The following CERS6 variants were observed in gnomAD, a reference collection of about 807,000 sequenced individuals.
CERS6 encodes the protein ceramide synthase 6, also known as LAG1 homolog, ceramide synthase 6.
Under a neutral mutation model 56.8 loss-of-function variants are expected in CERS6, and 26 were observed. The observed-to-expected ratio is 0.46, with a 90% CI of 0.34 to 0.63. The LOEUF (loss-of-function observed/expected upper bound fraction) is 0.63. CERS6 is among the 30% of genes least tolerant of loss of function. The pLI, the probability that CERS6 is intolerant of heterozygous loss-of-function variation, is 0.01. For synonymous variants in CERS6, 164 were observed against 173.3 expected, an observed-to-expected ratio of 0.95 and a Z score of 0.42; for missense variants, 415 against 467.5, an observed-to-expected ratio of 0.89 and a Z score of 1.04.
rs146307863 is a variant in CERS6, at chr2:168,501,001, A to G, written c.170+44383A>G. On this transcript the variant is annotated intron_variant, in intron 1 of 9. Transcript: ENST00000305747. ...AGGCATTTAGAAGATGGTGGTGGGT[A>G]TTTCCCCATTTACATAAGGCAACAA... Among the ~76,000 whole-genome samples, 54 of 152,304 alleles carry G rather than the reference A, an allele frequency of 3.5e-4. No individual in the cohort carries two copies. The East Asian group carries it at 9.3e-3, about 26-fold the overall frequency.
intron 1 of CERS6, among the ~76,000 whole-genome samples, chr2:168,513,288 A>G (rs1694827507): frequency 1.3e-5 from 2 of 152,192 alleles, no homozygotes; most frequent in Admixed American, 1.3e-4. Flanking sequence ...TTATGAACCA[A>G]TATTGATACA....
intron 2 of CERS6, among the ~76,000 whole-genome samples, chr2:168,549,747 C>T (rs529468526): frequency 2.0e-5 from 3 of 152,240 alleles, no homozygotes; most frequent in African/African-American, 7.2e-5. Flanking sequence ...AAAACAGAAG[C>T]GTCATGTAAA....
rs1473474640 is a variant in CERS6, at chr2:168,774,884, C to G, written c.*5222C>G. Reference sequence around the variant, plus strand: ...TTTGGATTTGATTTTTTTCAACTTGCAGTGAGAAATAGGATAGGTGACAAA... The same window carrying G: ...TTTGGATTTGATTTTTTTCAACTTGGAGTGAGAAATAGGATAGGTGACAAA... On this transcript the variant is annotated 3_prime_UTR_variant, in exon 10 of 10. Transcript: ENST00000305747. 3.9e-5 allele frequency: 6 copies of G among 152,068 alleles called. No homozygotes were observed. In the South Asian group the frequency reaches 1.0e-3, roughly 26 times the overall value. The allele number at this position is 152,068 out of a possible 1,614,324, so 9.4% of individuals were successfully genotyped here.
chr2:168,666,720 G>A (rs74774742), intron 4 of CERS6, among the ~76,000 whole-genome samples: 2,733 of 152,292 alleles, frequency 0.018, 83 homozygotes, highest in African/African-American at 0.062. Flanking sequence ...CCTGCATTGA[G>A]AACCCACATT....
intron 1 of CERS6, among the ~76,000 whole-genome samples, chr2:168,475,956 G>C (rs902012284): frequency 2.0e-5 from 3 of 152,156 alleles, no homozygotes; most frequent in Non-Finnish European, 4.4e-5. Flanking sequence ...TTGTTAGCTA[G>C]GTAAGCCTAA....
At chr2:168,477,498 TA>T (rs1203692744) in intron 1 of CERS6, among the ~76,000 whole-genome samples, 1 of 152,238 alleles carries the variant, frequency 6.6e-6, no homozygotes, top group Non-Finnish European at 1.5e-5. Context: ...GCAGAATTTT[TA>T]ACATTTTATA....
At chr2:168,462,317 C>T (rs963964255) in intron 1 of CERS6, among the ~76,000 whole-genome samples, 7 of 151,780 alleles carry the variant, frequency 4.6e-5, no homozygotes, top group African/African-American at 1.2e-4. Flanking sequence ...TTTTTCATTT[C>T]GTTTTTTTTA....
chr2:168,483,843 C>T lies in CERS6; in HGVS notation c.170+27225C>T, dbSNP rs1371955551. Among the ~76,000 whole-genome samples the T allele has an allele frequency of 2.6e-5, 4 of 152,328 alleles. 1 individual carries two copies. Among genetic ancestry groups the T allele is most frequent in the South Asian group, 4.1e-4 (2 of 4,828 alleles). ...ACAGTGGCTCTTAAATTTCACTGGG[C>T]ATCAGAGTCACCTGGAGAGCTCATG... On this transcript the variant is annotated intron_variant, in intron 1 of 9. Transcript: ENST00000305747.
intron 3 of CERS6, among the ~76,000 whole-genome samples, chr2:168,596,707 C>G (rs900265104): frequency 7.9e-5 from 12 of 151,998 alleles, no homozygotes; most frequent in Admixed American, 7.9e-4. Context: ...GTGCGTGCCA[C>G]CATACCCGGC....
intron 3 of CERS6, among the ~76,000 whole-genome samples, chr2:168,626,846 C>G (rs1409303282): frequency 6.6e-6 from 1 of 152,120 alleles, no homozygotes; most frequent in South Asian, 2.1e-4. Context: ...CTCCACAGAT[C>G]GTTTAGGATT....
At chr2:168,610,420 T>C (rs1270882000) in intron 3 of CERS6, among the ~76,000 whole-genome samples, 2 of 152,312 alleles carry the variant, frequency 1.3e-5, no homozygotes, top group East Asian at 3.9e-4. Flanking sequence ...CAGCACCTAG[T>C]AGTATGTCTT....
chr2:168,527,199 T>G (rs925876828), intron 1 of CERS6, among the ~76,000 whole-genome samples: 2 of 152,222 alleles, frequency 1.3e-5, no homozygotes, highest in African/African-American at 4.8e-5. Flanking sequence ...ATTTTTCTTC[T>G]TTATTTAAAA....
intron 3 of CERS6, among the ~76,000 whole-genome samples, chr2:168,618,450 T>A (rs929288851): frequency 2.6e-5 from 4 of 152,134 alleles, no homozygotes; most frequent in Non-Finnish European, 4.4e-5. Context: ...TGTGGCTGTT[T>A]GCTGATGATA....
chr2:168,524,336 T>G (rs941339999), intron 1 of CERS6, among the ~76,000 whole-genome samples: 2 of 152,178 alleles, frequency 1.3e-5, no homozygotes, highest in African/African-American at 4.8e-5. Context: ...TTCCATACAA[T>G]TAGAGAAGTC....
intron 3 of CERS6, among the ~76,000 whole-genome samples, chr2:168,626,560 T>C (rs1477626292): frequency 6.6e-6 from 1 of 152,204 alleles, no homozygotes; most frequent in East Asian, 1.9e-4. Context: ...TAGCTTCCTA[T>C]TCTAATTTTC....
chr2:168,517,025 G>A (rs961605741), intron 1 of CERS6, among the ~76,000 whole-genome samples: 6 of 152,176 alleles, frequency 3.9e-5, no homozygotes, highest in African/African-American at 1.4e-4. Flanking sequence ...TTTAATGGGT[G>A]TTGTTTGGAC....
At chr2:168,511,108 C>T (rs1270070424) in intron 1 of CERS6, among the ~76,000 whole-genome samples, 7 of 152,174 alleles carry the variant, frequency 4.6e-5, no homozygotes, top group Admixed American at 4.6e-4. Context: ...TCTCCTGTCC[C>T]AATCTGGAGT....
Position 168,773,001 on chromosome 2 carries a change from A to G in CERS6, c.*3339A>G, listed in dbSNP as rs1389023996. On this transcript the variant is annotated 3_prime_UTR_variant, in exon 10 of 10. Coordinates refer to ENST00000305747, the MANE Select transcript of CERS6 (RefSeq NM_203463.3). ...GAATTTGAGCAAACTAAATGCCTTC[A>G]TCTTAGGTAGAAAGGGCCTGAATCT... 6.6e-6 allele frequency: 1 copy of G among 152,256 alleles called. No homozygotes were observed. Among genetic ancestry groups the G allele is most frequent in the Admixed American group, 6.5e-5 (1 of 15,290 alleles). The allele number at this position is 152,256 out of a possible 1,614,324, so 9.4% of individuals were successfully genotyped here.
intron 4 of CERS6, among the ~76,000 whole-genome samples, chr2:168,665,938 A>T (rs1337690805): frequency 7.0e-6 from 1 of 142,196 alleles, no homozygotes; most frequent in African/African-American, 2.7e-5. Flanking sequence ...GAATTTTTTT[A>T]AAAAATTAGT....
Sources: allele counts gnomAD v4.1 joint callset (sites outside exome capture counted in the v4.1 genomes callset), GRCh38; gene constraint gnomAD v4.1.1; transcripts MANE v1.5; gene names NCBI Gene and HGNC (gene_info 2026-07-23, HGNC 2026-07-21).